INPP4A: variants seen among roughly 807,000 people sequenced by gnomAD.
INPP4A encodes the protein inositol polyphosphate-4-phosphatase type I A.
In INPP4A, 33 loss-of-function variants were observed where a neutral mutation model predicts 119.8. The observed-to-expected ratio is 0.28, with a 90% CI of 0.21 to 0.37. The LOEUF is 0.37. Among genes scored for constraint, INPP4A ranks in the 10% least tolerant of loss-of-function variants. The pLI is 1.00. For missense variants in INPP4A, 956 were observed against 1,289.9 expected, an observed-to-expected ratio of 0.74 and a Z score of 3.97; for synonymous variants, 496 against 500.7, an observed-to-expected ratio of 0.99 and a Z score of 0.12.
chr2:98,478,718 G>A (rs949130020), intron 1 of INPP4A, among the ~76,000 whole-genome samples: 1 of 152,138 alleles, frequency 6.6e-6, no homozygotes, highest in African/African-American at 2.4e-5. Flanking sequence ...AGGGTAGAAG[G>A]GTGTGATGGA....
At chr2:98,551,471 G>A (rs983183526) in intron 13 of INPP4A, among the ~76,000 whole-genome samples, 2 of 152,130 alleles carry the variant, frequency 1.3e-5, no homozygotes. Flanking sequence ...TTGTGGTGGT[G>A]GTGTTTCTTT....
At chr2:98,567,806 A>G (rs534893009) in intron 21 of INPP4A, among the ~76,000 whole-genome samples, 2 of 152,282 alleles carry the variant, frequency 1.3e-5, no homozygotes, top group Non-Finnish European at 2.9e-5. Context: ...GCAGGCGTCT[A>G]GAGAAAAGGC....
intron 1 of INPP4A, among the ~76,000 whole-genome samples, chr2:98,448,706 TC>T (rs1694699313): frequency 7.0e-6 from 1 of 142,732 alleles, no homozygotes; most frequent in Non-Finnish European, 1.5e-5. Flanking sequence ...TCTCTCTCTC[TC>T]TCTTTTTTTT....
At chr2:98,579,185 G>T (rs1247283150) in intron 24 of INPP4A, among the ~76,000 whole-genome samples, 1 of 152,150 alleles carries the variant, frequency 6.6e-6, no homozygotes, top group Middle Eastern at 3.4e-3. Flanking sequence ...GAGTAGCTGG[G>T]ATTACAGATG....
Position 98,563,585 on chromosome 2 carries a change from T to C in INPP4A, c.1976T>C (p.Ile659Thr). 1.9e-6 allele frequency: 3 copies of C among 1,613,598 alleles called. No homozygotes were observed. Among genetic ancestry groups the C allele is most frequent in the Middle Eastern group, 3.4e-4 (2 of 5,856 alleles). The change falls in exon 18 of 25, where the codon ATA becomes ACA. Residue 659 changes from isoleucine (I) to threonine (T), a missense_variant. Transcript: ENST00000409851. ...CTCATGCAGGACAGCGCGCCCACCA[T>C]AGCCACCTACCTGAGCCTGCAGTAC... ...FLLMQDSAPT[I>T]ATYLSLQYRR...
chr2:98,526,172 A>G (rs112202150), intron 4 of INPP4A, among the ~76,000 whole-genome samples: 3 of 152,364 alleles, frequency 2.0e-5, no homozygotes, highest in African/African-American at 7.2e-5. Flanking sequence ...TTCCATTTGT[A>G]TGAAATTCAA....
chr2:98,547,040 G>T (rs1692604523), intron 13 of INPP4A, among the ~76,000 whole-genome samples: 1 of 152,236 alleles, frequency 6.6e-6, no homozygotes. Flanking sequence ...ATCGAGCCTG[G>T]AGCATGTTGT....
intron 1 of INPP4A, among the ~76,000 whole-genome samples, chr2:98,499,082 C>T (rs548862187): frequency 1.3e-5 from 2 of 152,332 alleles, no homozygotes; most frequent in South Asian, 4.1e-4. Flanking sequence ...AGCAGTCCCA[C>T]TCAAAATTAT....
Position 98,570,096 on chromosome 2 carries a change from T to C in INPP4A, c.2518+1428T>C, listed in dbSNP as rs1697186785. Among the ~76,000 whole-genome samples, 1 of 151,970 alleles carries C rather than the reference T, an allele frequency of 6.6e-6. No homozygotes were observed. Among genetic ancestry groups the C allele is most frequent in the South Asian group, 2.1e-4 (1 of 4,818 alleles). ...CAGACCTGGCTCTGGGCAAGGACGC[T>C]GGAGTTGCCGGCAACAGCTGGGGCC... is the stretch of plus-strand genomic sequence containing the variant. On this transcript the variant is annotated intron_variant, in intron 22 of 24. Coordinates refer to ENST00000409851, the MANE Select transcript of INPP4A (RefSeq NM_001134225.2). This position sits in a 1 kb window ranked among gnomAD's most constrained non-coding sequence, Gnocchi z 4.3.
At chr2:98,520,541 A>C (rs1298160224) in intron 3 of INPP4A, 146 bp from the exon 4 acceptor site, 6 of 661,382 alleles carry the variant, frequency 9.1e-6, no homozygotes, top group South Asian at 7.0e-5. Context: ...AATCTCAAAA[A>C]CAAAATATTT....
intron 1 of INPP4A, among the ~76,000 whole-genome samples, chr2:98,487,323 G>C (rs1051901806): frequency 1.3e-5 from 2 of 152,208 alleles, no homozygotes; most frequent in East Asian, 3.8e-4. Context: ...CCTTGTGGTT[G>C]TGAGTTTCTC....
intron 10 of INPP4A, among the ~76,000 whole-genome samples, chr2:98,542,603 T>C (rs1691676064): frequency 6.6e-6 from 1 of 152,230 alleles, no homozygotes; most frequent in African/African-American, 2.4e-5. Context: ...TTTTCTATGC[T>C]GAGGGTTTGG....
intron 1 of INPP4A, among the ~76,000 whole-genome samples, chr2:98,489,806 T>A (rs1386168935): frequency 6.6e-6 from 1 of 152,070 alleles, no homozygotes. Flanking sequence ...CTTTAACTAT[T>A]TGATCTGAGT....
intron 1 of INPP4A, among the ~76,000 whole-genome samples, chr2:98,496,065 ATC>A (rs1420711768): frequency 1.3e-5 from 2 of 152,084 alleles, no homozygotes; most frequent in Non-Finnish European, 2.9e-5. Flanking sequence ...CAGTTTTAAG[ATC>A]TCTGTTTTAT....
intron 1 of INPP4A, among the ~76,000 whole-genome samples, chr2:98,489,408 A>G (rs540117011): frequency 1.3e-5 from 2 of 152,190 alleles, no homozygotes; most frequent in South Asian, 4.1e-4. Context: ...GAGTGGAGGG[A>G]TATGCCAACA....
chr2:98,539,346 G>A (rs749906304), intron 9 of INPP4A, among the ~76,000 whole-genome samples, 182 bp from the exon 10 acceptor site: 8 of 152,156 alleles, frequency 5.3e-5, no homozygotes, highest in Admixed American at 1.3e-4. Flanking sequence ...GCATGTTGCT[G>A]GGAAGAAATG....
At chr2:98,452,608 C>T (rs1695420655) in intron 1 of INPP4A, among the ~76,000 whole-genome samples, 1 of 152,198 alleles carries the variant, frequency 6.6e-6, no homozygotes, top group African/African-American at 2.4e-5. Context: ...GTGTTTACGG[C>T]CCTGGGGGCC....
chr2:98,474,036 G>A (rs1429242414), intron 1 of INPP4A, among the ~76,000 whole-genome samples: 2 of 152,132 alleles, frequency 1.3e-5, no homozygotes, highest in Non-Finnish European at 1.5e-5. Context: ...TGAGCCCTTC[G>A]GGGGCAGTCT....
At chr2:98,488,119 C>T (rs955600873) in intron 1 of INPP4A, among the ~76,000 whole-genome samples, 14 of 152,160 alleles carry the variant, frequency 9.2e-5, no homozygotes, top group Non-Finnish European at 8.8e-5. Flanking sequence ...TTTCAGTTAG[C>T]TCGTGTTCCT....
Sources: gnomAD v4.1 joint callset for allele counts (sites outside exome capture counted in the v4.1 genomes callset) on GRCh38, gnomAD v4.1.1 for gene constraint, Gnocchi (gnomAD v3.1) non-coding constraint, MANE v1.5 for transcripts, NCBI Gene and HGNC (gene_info 2026-07-23, HGNC 2026-07-21) for gene names.